Variants in SHPRH observed in about 807,000 individuals in gnomAD.
SHPRH encodes E3 ubiquitin-protein ligase SHPRH.
SHPRH carries 106 observed loss-of-function variants against 202.5 expected under a neutral mutation model. That is an observed-to-expected ratio of 0.52 (90% CI 0.45 to 0.62). The LOEUF is 0.62. SHPRH is among the 20% of genes least tolerant of loss of function. The pLI, the probability that SHPRH is intolerant of heterozygous loss-of-function variation, is 0.00. For synonymous variants in SHPRH, 729 were observed against 686.0 expected, an observed-to-expected ratio of 1.06 and a Z score of -0.98; for missense variants, 1,710 against 2,020.0, an observed-to-expected ratio of 0.85 and a Z score of 2.94.
chr6:145,865,015 TG>T (rs1210499275), intron 2 of SHPRH, among the ~76,000 whole-genome samples: 1 of 151,932 alleles, frequency 6.6e-6, no homozygotes, highest in East Asian at 1.9e-4. Flanking sequence ...ATTTCTAGTA[TG>T]GAACATTCAG....
intron 2 of SHPRH, among the ~76,000 whole-genome samples, chr6:145,864,952 C>A (rs1194800757): frequency 6.6e-6 from 1 of 151,542 alleles, no homozygotes; most frequent in Non-Finnish European, 1.5e-5. Context: ...CTCACACACA[C>A]ACACACACAC....
intron 25 of SHPRH, among the ~76,000 whole-genome samples, chr6:145,899,909 C>T (rs941562005): frequency 6.6e-5 from 10 of 152,028 alleles, no homozygotes; most frequent in South Asian, 2.1e-4. Context: ...AGGTGCTCAA[C>T]GACCCTAATC....
chr6:145,941,410 A>G (rs1396464399), intron 10 of SHPRH, among the ~76,000 whole-genome samples: 1 of 152,248 alleles, frequency 6.6e-6, no homozygotes, highest in Non-Finnish European at 1.5e-5. Flanking sequence ...TATATTTCAT[A>G]TAGAGCAATG....
At chr6:145,883,923 A>C (rs1364144636), downstream of SHPRH, 3 of 152,174 alleles carry the variant, frequency 2.0e-5, no homozygotes, top group Non-Finnish European at 4.4e-5. Context: ...TATTCGACTT[A>C]AGCCTGAGGT....
At chr6:145,928,136 T>C (rs1357792013) in intron 14 of SHPRH, among the ~76,000 whole-genome samples, 1 of 152,066 alleles carries the variant, frequency 6.6e-6, no homozygotes, top group Non-Finnish European at 1.5e-5. Context: ...GTTTTTATAC[T>C]GCCTGTGGCT....
At chr6:145,900,542 T>A (rs769715443) in intron 25 of SHPRH, among the ~76,000 whole-genome samples, 2 of 151,998 alleles carry the variant, frequency 1.3e-5, no homozygotes, top group Non-Finnish European at 2.9e-5. Context: ...AAAGTTTTAG[T>A]TAGACAGAAG....
chr6:145,933,119 T>G lies in SHPRH; in HGVS notation c.3050A>C (p.Glu1017Ala), dbSNP rs1199758454. The change falls in exon 14 of 30, where the codon GAA becomes GCA. Residue 1017 changes from glutamate to alanine, a missense_variant. Physicochemically the swap from Glu to Ala is moderately radical, Grantham distance 107. Transcript: ENST00000275233. ...ACAAACTAGCTGTCGATGTGCTTCT[T>G]CACATTCAGTTCCACATTTCTTCTG... is the stretch of plus-strand genomic sequence containing the variant. ...SLQKKCGTEC[E>A]EAHRQLVCAL... 1.2e-6 allele frequency: 2 copies of G among 1,613,984 alleles called. No homozygotes were observed. The highest frequency in any genetic ancestry group is 1.7e-6 in the Non-Finnish European group (2 of 1,179,922).
At chr6:145,880,705 C>T (rs576794610), downstream of SHPRH, among the ~76,000 whole-genome samples, 4 of 150,228 alleles carry the variant, frequency 2.7e-5, no homozygotes, top group East Asian at 1.9e-4. Flanking sequence ...AAGCCTGGCA[C>T]GTAATGAGTA....
At chr6:145,894,328 T>C (rs1781818890) in intron 26 of SHPRH, 92 bp from the exon 27 acceptor site, 7 of 914,476 alleles carry the variant, frequency 7.7e-6, no homozygotes, top group Middle Eastern at 2.7e-4. Context: ...ATGACTTTTA[T>C]ACTGGAGTTA....
Position 145,911,697 on chromosome 6 carries a change from C to A in SHPRH, c.4327-1061G>T, listed in dbSNP as rs539194026. Among the ~76,000 whole-genome samples the A allele has an allele frequency of 4.2e-3, 631 of 151,972 alleles. 17 individuals carry two copies. The East Asian group carries it at 0.071, about 17-fold the overall frequency. The stretch of plus-strand genomic sequence containing the variant: ...AGCTATGTTTTTTTTAAGATTTGGA[C>A]ATGTATGGAAAGAAAGTGCGTACCT... On this transcript the variant is annotated intron_variant, in intron 24 of 29. Transcript: ENST00000275233.
At chr6:145,873,161 C>A (rs1780131986) in intron 2 of SHPRH, among the ~76,000 whole-genome samples, 1 of 151,918 alleles carries the variant, frequency 6.6e-6, no homozygotes, top group South Asian at 2.1e-4. Context: ...ATATCCTGCA[C>A]ATGTATCCCT....
At chr6:145,963,539 C>T (rs1789324688) in intron 1 of SHPRH, among the ~76,000 whole-genome samples, 192 bp downstream of exon 1, 1 of 152,178 alleles carries the variant, frequency 6.6e-6, no homozygotes, top group Non-Finnish European at 1.5e-5. Flanking sequence ...AACTACCAGT[C>T]AAACTGTACA....
At position 145,926,196 on chromosome 6, in the gene SHPRH, A is replaced by G; in HGVS notation, c.3294+8T>C. ...TACTTTTATAGACAGAATGAAAAAA[A>G]TAATTACCTCTTCCTCAAGTCGGCC... On this transcript the variant is annotated splice_region_variant and intron_variant, in intron 16 of 29. Coordinates refer to ENST00000275233, the MANE Select transcript of SHPRH (RefSeq NM_001042683.3). 1.9e-6 allele frequency: 3 copies of G among 1,612,018 alleles called. No homozygotes were observed. In the South Asian group the frequency reaches 3.3e-5, roughly 18 times the overall value.
intron 11 of SHPRH, among the ~76,000 whole-genome samples, chr6:145,936,789 T>C (rs1448740624): frequency 6.6e-6 from 1 of 152,202 alleles, no homozygotes; most frequent in Non-Finnish European, 1.5e-5. Flanking sequence ...GTTACCTTGA[T>C]GGTTGCTGGG....
At chr6:145,909,399 C>T (rs1193695794) in intron 25 of SHPRH, 1 of 152,030 alleles carries the variant, frequency 6.6e-6, no homozygotes, top group African/African-American at 2.4e-5. Context: ...AATGCTTATT[C>T]TAACTGTGGA....
chr6:145,879,558 T>C (rs896624256), intron 2 of SHPRH, among the ~76,000 whole-genome samples: 6 of 152,178 alleles, frequency 3.9e-5, no homozygotes, highest in Non-Finnish European at 5.9e-5. Context: ...TCTAAAACTC[T>C]CTTTTCTCAT....
chr6:145,904,711 T>G (rs1782796249), intron 25 of SHPRH: 1 of 151,994 alleles, frequency 6.6e-6, no homozygotes, highest in Non-Finnish European at 1.5e-5. Flanking sequence ...GGGATAAAAT[T>G]TGCCCGCACA....
chr6:145,940,702 T>C (rs1230917848), intron 11 of SHPRH, 21 bp downstream of exon 11: 6 of 1,610,720 alleles, frequency 3.7e-6, no homozygotes, highest in Non-Finnish European at 4.2e-6. Flanking sequence ...GCATGCAATA[T>C]GTGAGGAAAC....
At chr6:145,919,200 G>T in intron 22 of SHPRH, 148 bp downstream of exon 22, 2 of 1,194,448 alleles carry the variant, frequency 1.7e-6, no homozygotes, top group Non-Finnish European at 2.3e-6. Flanking sequence ...GGTCTATAAA[G>T]ACAATTTTCT....
Sources: gnomAD v4.1 joint callset for allele counts (sites outside exome capture counted in the v4.1 genomes callset) on GRCh38, gnomAD v4.1.1 for gene constraint, MANE v1.5 for transcripts, NCBI Gene and HGNC (gene_info 2026-07-23, HGNC 2026-07-21) for gene names.